The following SPATA3 variants were observed in gnomAD, a reference collection of about 807,000 sequenced individuals.
SPATA3 encodes the protein spermatogenesis-associated protein 3.
A neutral mutation model predicts 5.7 loss-of-function variants in SPATA3; 6 were observed. The observed-to-expected ratio is 1.06, with a 90% CI of 0.58 to 2.09. The LOEUF (loss-of-function observed/expected upper bound fraction) is 2.09, where lower values mean the gene tolerates loss of function less well. Ranked by LOEUF, SPATA3 falls within the 30% of genes most tolerant of loss-of-function variation. The pLI, the probability that SPATA3 is intolerant of heterozygous loss-of-function variation, is 0.00. For missense variants in SPATA3, 155 were observed against 130.4 expected (o/e 1.19, Z -0.92); for synonymous variants, 44 against 48.4 (o/e 0.91, Z 0.37).
chr2:231,019,819 T>C (rs571886523), exon 7 of SPATA3: 16 of 150,872 alleles, frequency 1.1e-4, no homozygotes, highest in South Asian at 4.2e-4. Flanking sequence ...ATTACCTCTA[T>C]TGGGACCCAG....
intron 2 of SPATA3, among the ~76,000 whole-genome samples, chr2:231,001,392 G>GC (rs1399225234): frequency 1.3e-5 from 2 of 151,996 alleles, no homozygotes; most frequent in African/African-American, 2.4e-5. Flanking sequence ...AGGAACTGAG[G>GC]CCCCCCAACC....
chr2:231,005,454 CCACCACCACCACCACCATCAT>C (rs1559197875), downstream of SPATA3, among the ~76,000 whole-genome samples: 1 of 22,510 alleles, frequency 4.4e-5, no homozygotes, highest in Non-Finnish European at 9.7e-5. Flanking sequence ...ACCATCACCA[CCACCACCACCACCACCATCAT>C]CACCACCACC....
intron 6 of SPATA3, among the ~76,000 whole-genome samples, chr2:231,018,130 G>A (rs1692978054): frequency 6.6e-6 from 1 of 151,970 alleles, no homozygotes; most frequent in Non-Finnish European, 1.5e-5. Context: ...TCAACATGTT[G>A]GTCAGGCTGG....
intron 1 of SPATA3, chr2:230,996,291 C>T (rs1286675797): frequency 2.6e-6 from 4 of 1,551,992 alleles, no homozygotes; most frequent in Non-Finnish European, 3.5e-6. Flanking sequence ...CTCCACCTCC[C>T]AGCATGCTAG....
At chr2:231,011,709 G>A (rs1692792972), downstream of SPATA3, among the ~76,000 whole-genome samples, 1 of 151,376 alleles carries the variant, frequency 6.6e-6, no homozygotes, top group Non-Finnish European at 1.5e-5. Context: ...GGTAAAGGCA[G>A]CCATGAGACT....
rs950275978 is a variant in SPATA3, at chr2:230,996,469, G to C, written c.791-3897G>C. ...GCCCTTCCAGCACCCGAAATCCGCC[G>C]CTCCTCTTGCTGCCTTTTATCTCCA... On this transcript the variant is annotated intron_variant, in intron 1 of 2. Coordinates refer to ENST00000645363, the Ensembl canonical transcript of SPATA3. 14 of 1,552,148 alleles carry C rather than the reference G, an allele frequency of 9.0e-6. No homozygotes were observed. Among genetic ancestry groups the C allele is most frequent in the African/African-American group, 1.4e-5 (1 of 73,024 alleles).
At chr2:231,016,322 G>A (rs1692934743) in intron 6 of SPATA3, among the ~76,000 whole-genome samples, 1 of 152,038 alleles carries the variant, frequency 6.6e-6, no homozygotes, top group South Asian at 2.1e-4. Flanking sequence ...CCACTGCGGT[G>A]AAAAGCACGG....
chr2:231,003,596 C>T (rs1692434309), downstream of SPATA3, among the ~76,000 whole-genome samples: 2 of 152,152 alleles, frequency 1.3e-5, no homozygotes, highest in Admixed American at 6.5e-5. Flanking sequence ...TGGTGCTCCT[C>T]CTTGTCAGTG....
chr2:231,017,635 C>T (rs1298181440), intron 6 of SPATA3, among the ~76,000 whole-genome samples: 4 of 152,156 alleles, frequency 2.6e-5, no homozygotes, highest in South Asian at 2.1e-4. Context: ...GCAGAATATC[C>T]GAATGAAAAT....
chr2:230,999,602 G>A (rs1692268241), intron 1 of SPATA3: 1 of 159,978 alleles, frequency 6.3e-6, no homozygotes, highest in Admixed American at 6.5e-5. Context: ...GAAACAGGAG[G>A]GAATAATCCA....
At chr2:231,015,406 C>T (rs115680185) in intron 6 of SPATA3, among the ~76,000 whole-genome samples, 3,945 of 151,966 alleles carry the variant, frequency 0.026, 57 homozygotes, top group Non-Finnish European at 0.031. Flanking sequence ...GGAATGCCAA[C>T]GCAGGGAATT....
exon 3 of SPATA3, chr2:231,002,776 T>C: frequency 6.6e-7 from 1 of 1,515,514 alleles, no homozygotes; most frequent in Non-Finnish European, 8.9e-7. Context: ...AGGAGCTGCC[T>C]ACTACATCAC....
At chr2:230,998,848 T>C (rs1474395812) in intron 1 of SPATA3, among the ~76,000 whole-genome samples, 1 of 152,232 alleles carries the variant, frequency 6.6e-6, no homozygotes, top group Non-Finnish European at 1.5e-5. Context: ...AGTTACCTTA[T>C]GACCCAGCAA....
In SPATA3 at chr2:231,014,697, C is replaced by T. The variant is rs147930199; in HGVS notation, c.*565+485C>T. 2.1e-3 allele frequency among the ~76,000 whole-genome samples: 319 copies of T among 152,228 alleles called. 2 individuals carry two copies. The highest frequency in any genetic ancestry group is 7.2e-3 in the African/African-American group (299 of 41,536). ...TCCATCCTTCCAAAAGGACACCCAC[C>T]AAGAGGCTGACACAGGCCACAGTGG... On this transcript the variant is annotated intron_variant, in intron 6 of 8. Transcript: ENST00000452881.
At chr2:231,014,766 G>A (rs564829918) in intron 6 of SPATA3, among the ~76,000 whole-genome samples, 9 of 152,276 alleles carry the variant, frequency 5.9e-5, no homozygotes, top group African/African-American at 2.2e-4. Flanking sequence ...GAGAATGGGG[G>A]AGAGGTGTTG....
In SPATA3 at chr2:231,018,992, A is replaced by T. The variant is rs566745418; in HGVS notation, c.*566-728A>T. On this transcript the variant is annotated intron_variant, in intron 6 of 8. Coordinates refer to the SPATA3 transcript ENST00000452881. The stretch of plus-strand genomic sequence containing the variant: ...TTCTTTTTTTTTTTTTTTGAGATGG[A>T]GTCTCACTCTGTTGCCCAGGCTGGA... Among the ~76,000 whole-genome samples the T allele has an allele frequency of 1.1e-3, 118 of 104,196 alleles. 1 individual carries two copies. The highest frequency in any genetic ancestry group is 1.8e-3 in the Non-Finnish European group (95 of 54,274). 68.4% of individuals were successfully genotyped at this position (104,196 alleles called of 152,430 possible). A position where few individuals can be genotyped will look rare whatever the true frequency, so the allele number is the denominator to read the frequency against.
downstream of SPATA3, among the ~76,000 whole-genome samples, chr2:231,008,594 G>A (rs17619398): frequency 0.31 from 46,696 of 151,876 alleles, 7,600 homozygotes; most frequent in Non-Finnish European, 0.36. Context: ...TGGGAGTTGC[G>A]TGGGGTCGTG....
chr2:231,019,779 A>C (rs1693033693), exon 7 of SPATA3: 1 of 150,890 alleles, frequency 6.6e-6, no homozygotes, highest in African/African-American at 2.4e-5. Flanking sequence ...TTGGGGTCCT[A>C]AGAACAAGCC....
intron 1 of SPATA3, among the ~76,000 whole-genome samples, chr2:230,998,070 G>T (rs10804373): frequency 6.6e-6 from 1 of 151,906 alleles, no homozygotes; most frequent in East Asian, 1.9e-4. Context: ...AAGAGGCCTA[G>T]GAGTCTCCAC....
Sources: allele counts gnomAD v4.1 joint callset (sites outside exome capture counted in the v4.1 genomes callset), GRCh38; gene constraint gnomAD v4.1.1; transcripts MANE v1.5; gene names NCBI Gene and HGNC (gene_info 2026-07-23, HGNC 2026-07-21).